The following CPEB1 variants were observed in gnomAD, a reference collection of about 807,000 sequenced individuals.
The protein encoded by CPEB1 is cytoplasmic polyadenylation element-binding protein 1.
A neutral mutation model predicts 65.8 loss-of-function variants in CPEB1; 7 were observed. The observed-to-expected ratio is 0.11, with a 90% CI of 0.06 to 0.20. The LOEUF (loss-of-function observed/expected upper bound fraction) is 0.20, where lower values mean the gene tolerates loss of function less well. Among genes scored for constraint, CPEB1 ranks in the 10% least tolerant of loss-of-function variants. The pLI, the probability that CPEB1 is intolerant of heterozygous loss-of-function variation, is 1.00. For synonymous variants in CPEB1, 262 were observed against 260.0 expected (o/e 1.01, Z -0.08); for missense variants, 551 against 712.2 (o/e 0.77, Z 2.58).
intron 3 of CPEB1, among the ~76,000 whole-genome samples, chr15:82,613,095 A>AG (rs1479249897): frequency 9.9e-5 from 15 of 152,182 alleles, no homozygotes; most frequent in African/African-American, 3.6e-4. Context: ...CTCTGACACC[A>AG]GGGATATTTT....
chr15:82,588,114 T>C (rs887352908), intron 3 of CPEB1, among the ~76,000 whole-genome samples: 1 of 115,756 alleles, frequency 8.6e-6, no homozygotes, highest in African/African-American at 3.7e-5. Flanking sequence ...TTTTTTGTTT[T>C]TGTATTTTTT....
intron 10 of CPEB1, 150 bp from the exon 11 acceptor site, chr15:82,547,387 C>A: frequency 1.8e-6 from 1 of 557,060 alleles, no homozygotes; most frequent in East Asian, 3.0e-5. Context: ...AGCTCTGCCT[C>A]CCGGTTTCAC....
At chr15:82,585,017 TA>T (rs2041672575) in intron 3 of CPEB1, among the ~76,000 whole-genome samples, 1 of 151,052 alleles carries the variant, frequency 6.6e-6, no homozygotes, top group African/African-American at 2.4e-5. Context: ...TTTTTGCAGA[TA>T]AAAGCCCATA....
intron 1 of CPEB1, among the ~76,000 whole-genome samples, chr15:82,646,697 C>T (rs1354926652): frequency 6.6e-6 from 1 of 152,240 alleles, no homozygotes; most frequent in Non-Finnish European, 1.5e-5. Context: ...CTCACAGAGC[C>T]TTCTGGTCTC....
chr15:82,600,898 T>C (rs892198189), intron 3 of CPEB1, among the ~76,000 whole-genome samples: 24 of 14,722 alleles, frequency 1.6e-3, no homozygotes, highest in African/African-American at 3.7e-3. Flanking sequence ...AGAACTTGTC[T>C]TTTTTTTTTT....
At chr15:82,622,778 T>C (rs1207189480) in intron 3 of CPEB1, among the ~76,000 whole-genome samples, 1 of 152,158 alleles carries the variant, frequency 6.6e-6, no homozygotes, top group African/African-American at 2.4e-5. Flanking sequence ...CTTGTCTTCT[T>C]TCTTGGAAGC....
rs1424573879 is a variant in CPEB1, at chr15:82,573,128, T to C, written c.272-1596A>G. The C allele has an allele frequency of 2.6e-6, 4 of 1,535,486 alleles. No individual in the cohort carries two copies. In the East Asian group the frequency reaches 9.8e-5, roughly 38 times the overall value. ...TCCCATGGCAGGGTCGAGAGAATAA[T>C]GCTGCCACAGAAATAGCTGTTCAGA... On this transcript the variant is annotated intron_variant, in intron 3 of 12. Transcript: ENST00000684509.
At chr15:82,575,026 T>C (rs753679409) in intron 3 of CPEB1, among the ~76,000 whole-genome samples, 2 of 152,200 alleles carry the variant, frequency 1.3e-5, no homozygotes, top group Non-Finnish European at 2.9e-5. Flanking sequence ...AATAAAGTGA[T>C]GAACACCTCA....
In CPEB1 at chr15:82,544,571, C is replaced by T; in HGVS notation, c.*21G>A. The stretch of plus-strand genomic sequence containing the variant: ...CCTGCCAGCTTTGGGCGCCACAGGC[C>T]ACTGGGCAAGGCCAGCTCCTCTAGC... On this transcript the variant is annotated 3_prime_UTR_variant, in exon 13 of 13. Coordinates refer to ENST00000684509, the MANE Select transcript of CPEB1 (RefSeq NM_001365242.1). The T allele has an allele frequency of 6.3e-7, 1 of 1,597,090 alleles. No individual in the cohort carries two copies. The highest frequency in any genetic ancestry group is 8.6e-7 in the Non-Finnish European group (1 of 1,167,334).
intron 1 of CPEB1, chr15:82,638,488 AT>A (rs1383946749): frequency 6.6e-6 from 1 of 152,106 alleles, no homozygotes; most frequent in Non-Finnish European, 1.5e-5. Context: ...CAAAATTCTT[AT>A]TTTTTTCTTC....
intron 1 of CPEB1, among the ~76,000 whole-genome samples, chr15:82,637,499 G>A (rs1447676783): frequency 1.3e-5 from 2 of 152,098 alleles, no homozygotes; most frequent in Non-Finnish European, 2.9e-5. Flanking sequence ...TAGCCAGCCT[G>A]TCTTTCCCTA....
intron 3 of CPEB1, among the ~76,000 whole-genome samples, chr15:82,585,780 T>A (rs7179391): frequency 0.011 from 1,740 of 152,312 alleles, 29 homozygotes; most frequent in African/African-American, 0.04. Context: ...AATCCTACTC[T>A]CTTCTCTGAA....
intron 3 of CPEB1, among the ~76,000 whole-genome samples, chr15:82,613,677 A>C (rs1429642544): frequency 6.6e-6 from 1 of 152,190 alleles, no homozygotes; most frequent in Non-Finnish European, 1.5e-5. Flanking sequence ...TTTTTTTAAA[A>C]GCCTCTTGGC....
chr15:82,595,778 C>T (rs1324580924), intron 3 of CPEB1, among the ~76,000 whole-genome samples: 2 of 152,084 alleles, frequency 1.3e-5, no homozygotes, highest in African/African-American at 4.8e-5. Flanking sequence ...AACTAATAAA[C>T]GAAAAACAGA....
intron 3 of CPEB1, among the ~76,000 whole-genome samples, chr15:82,600,067 A>G (rs2042974088): frequency 6.6e-6 from 1 of 152,230 alleles, no homozygotes; most frequent in African/African-American, 2.4e-5. Flanking sequence ...GAAAGATACC[A>G]GTCTATACAT....
At chr15:82,567,838 C>T (rs2039408597) in intron 4 of CPEB1, among the ~76,000 whole-genome samples, 1 of 152,120 alleles carries the variant, frequency 6.6e-6, no homozygotes, top group South Asian at 2.1e-4. Flanking sequence ...TCACCTCACT[C>T]TTCTGCTGCA....
intron 3 of CPEB1, among the ~76,000 whole-genome samples, chr15:82,624,573 G>A (rs1258582265): frequency 6.6e-6 from 1 of 152,090 alleles, no homozygotes; most frequent in Non-Finnish European, 1.5e-5. Flanking sequence ...TTGTACTTCG[G>A]CTACTGACCC....
At chr15:82,554,851 A>G (rs2036909044) in intron 6 of CPEB1, among the ~76,000 whole-genome samples, 1 of 152,272 alleles carries the variant, frequency 6.6e-6, no homozygotes, top group Non-Finnish European at 1.5e-5. Context: ...GCAATCTTTT[A>G]CGACAAAAAC....
chr15:82,629,306 A>G (rs1400095196), intron 1 of CPEB1: 1 of 985,032 alleles, frequency 1.0e-6, no homozygotes, highest in African/African-American at 1.7e-5. Flanking sequence ...ATTATTGAAT[A>G]CAAGAGAGGT....
Sources: allele counts gnomAD v4.1 joint callset (sites outside exome capture counted in the v4.1 genomes callset), GRCh38; gene constraint gnomAD v4.1.1; transcripts MANE v1.5; gene names NCBI Gene and HGNC (gene_info 2026-07-23, HGNC 2026-07-21).